CD36: variants seen among roughly 807,000 people sequenced by gnomAD.
CD36 encodes the protein platelet glycoprotein 4.
Under a neutral mutation model 55.2 loss-of-function variants are expected in CD36, and 119 were observed. The ratio of observed to expected loss-of-function variants is 2.15; its 90% confidence interval spans 1.86 to 2.51. The LOEUF (loss-of-function observed/expected upper bound fraction) is 2.51, where lower values mean the gene tolerates loss of function less well. CD36 is among the 30% of genes most tolerant of loss of function. The probability of loss-of-function intolerance (pLI) is 0.00; values close to 1 mark genes in which losing one functional copy is unlikely to be tolerated. For missense variants in CD36, 819 were observed against 555.5 expected (o/e 1.47, Z -4.77); for synonymous variants, 186 against 193.6 (o/e 0.96, Z 0.33).
intron 1 of CD36, chr7:80,633,191 A>C (rs1475386272): frequency 6.6e-5 from 10 of 151,654 alleles, no homozygotes; most frequent in African/African-American, 2.4e-4. Context: ...TTTTTTTCCT[A>C]CTTAGAGAAT....
Position 80,675,784 on chromosome 7 carries a change from T to TAAGA in CD36, c.*1-599_*1-596dup, listed in dbSNP as rs533919697. Among the ~76,000 whole-genome samples the TAAGA allele has an allele frequency of 4.6e-5, 7 of 152,156 alleles. No homozygotes were observed. The South Asian group carries it at 1.2e-3, about 27-fold the overall frequency. ...CAGGTATGTAAGAAGTAGCAAAGTG[T>TAAGA]AAGACGGTGGAGCTTTAATGTGTGG... On this transcript the variant is annotated intron_variant, in intron 14 of 14. Transcript: ENST00000447544.
chr7:80,676,227 A>T (rs559911410), intron 14 of CD36, 157 bp from the exon 15 acceptor site: 1 of 152,174 alleles, frequency 6.6e-6, no homozygotes, highest in East Asian at 1.9e-4. Context: ...CTTTTAGTTG[A>T]AGAAATGGTG....
upstream of CD36, chr7:80,638,553 C>G (rs141232342): frequency 5.9e-4 from 86 of 145,176 alleles, no homozygotes; most frequent in East Asian, 0.012. Flanking sequence ...ACACTGGGAT[C>G]TGACACTGTA....
At position 80,664,505 on chromosome 7, in the gene CD36, T is replaced by C; in HGVS notation, c.701+8T>C. 1 of 1,437,908 alleles carries C rather than the reference T, an allele frequency of 7.0e-7. No homozygotes were observed. Among genetic ancestry groups the C allele is most frequent in the South Asian group, 1.1e-5 (1 of 87,488 alleles). 89.1% of individuals were successfully genotyped at this position (1,437,908 alleles called of 1,614,324 possible). ...CACATATAAAGGTAAAAGGTAAGTATTCTGGTAAAATGTGCATGTATGTTA... is the reference window on the plus strand; with the variant it reads ...CACATATAAAGGTAAAAGGTAAGTACTCTGGTAAAATGTGCATGTATGTTA... On this transcript the variant is annotated splice_region_variant and intron_variant, in intron 7 of 14. Transcript: ENST00000447544.
rs11574709 is a variant in CD36, at chr7:80,658,095, C to T, written c.281+1395C>T. Reference sequence around the variant, plus strand: ...CCTGTCTTAGCAGTTTTACCCGAATCGGGTGTCTCTGTGCGCATCTGTGAC... The same window carrying T: ...CCTGTCTTAGCAGTTTTACCCGAATTGGGTGTCTCTGTGCGCATCTGTGAC... On this transcript the variant is annotated intron_variant, in intron 4 of 14. Transcript: ENST00000447544. Among the ~76,000 whole-genome samples, 726 of 152,260 alleles carry T rather than the reference C, an allele frequency of 4.8e-3. 6 individuals carry two copies. The highest frequency in any genetic ancestry group is 0.016 in the African/African-American group (678 of 41,542).
At chr7:80,672,888 G>C (rs560669916) in intron 12 of CD36, 45 bp downstream of exon 12, 1 of 1,220,126 alleles carries the variant, frequency 8.2e-7, no homozygotes, top group African/African-American at 1.5e-5. Context: ...CTGTAGTATC[G>C]TAGTATCTTC....
chr7:80,673,456 A>G (rs1392319083), intron 13 of CD36, 47 bp downstream of exon 13: 11 of 1,042,046 alleles, frequency 1.1e-5, no homozygotes, highest in Non-Finnish European at 1.7e-5. Context: ...TTCTTTGTAT[A>G]TAAACAAGCT....
intron 1 of CD36, among the ~76,000 whole-genome samples, chr7:80,607,149 C>T (rs1193755771): frequency 2.0e-5 from 3 of 152,134 alleles, no homozygotes; most frequent in Non-Finnish European, 4.4e-5. Flanking sequence ...TTAAAGGTAG[C>T]ATTTTGTTCT....
intron 3 of CD36, among the ~76,000 whole-genome samples, chr7:80,656,182 G>A (rs147959174): frequency 6.6e-4 from 101 of 152,228 alleles, no homozygotes; most frequent in African/African-American, 2.4e-3. Flanking sequence ...AACTCAGTAA[G>A]AACTTTTTTG....
At chr7:80,608,799 T>TA (rs1418967311) in intron 1 of CD36, among the ~76,000 whole-genome samples, 1 of 152,140 alleles carries the variant, frequency 6.6e-6, no homozygotes, top group Non-Finnish European at 1.5e-5. Flanking sequence ...ACCTGAGACT[T>TA]ACGATTTTTT....
At chr7:80,670,711 A>G (rs1797576975) in intron 9 of CD36, 4 of 453,946 alleles carry the variant, frequency 8.8e-6, no homozygotes, top group East Asian at 4.2e-5. Flanking sequence ...AGGAAGTCCT[A>G]TAAATATTTA....
intron 1 of CD36, among the ~76,000 whole-genome samples, chr7:80,632,712 A>G (rs1222195672): frequency 2.0e-5 from 3 of 152,026 alleles, no homozygotes; most frequent in Admixed American, 1.3e-4. Flanking sequence ...ATATTTTAGC[A>G]TTTTAAAACA....
In CD36 at chr7:80,673,375, G is replaced by A. The variant is rs371888778; in HGVS notation, c.1220G>A (p.Arg407Lys). 4.3e-5 allele frequency: 67 copies of A among 1,550,742 alleles called. No homozygotes were observed. Among genetic ancestry groups the A allele is most frequent in the Non-Finnish European group, 5.6e-5 (63 of 1,123,668 alleles). ...TACAGAGTATTAAAGAATCTGAAGAGGAACTATATTGTGCCTATTCTTTGG... is the reference window on the plus strand; with the variant it reads ...TACAGAGTATTAAAGAATCTGAAGAAGAACTATATTGTGCCTATTCTTTGG... ...EKIQVLKNLK[R>K]NYIVPILWLN... The change falls in exon 13 of 15, where the codon AGG (arginine) becomes AAG (lysine). Residue 407 changes from arginine (R) to lysine (K), a missense_variant. Coordinates refer to ENST00000447544, the MANE Select transcript of CD36 (RefSeq NM_001001548.3).
At chr7:80,623,137 T>G (rs867345379) in intron 1 of CD36, among the ~76,000 whole-genome samples, 23 of 152,116 alleles carry the variant, frequency 1.5e-4, no homozygotes, top group African/African-American at 5.1e-4. Flanking sequence ...TATACCAATC[T>G]TCTGTTCTAA....
At chr7:80,646,380 A>C in intron 2 of CD36, 199 bp downstream of exon 2, 1 of 310,450 alleles carries the variant, frequency 3.2e-6, no homozygotes, top group South Asian at 2.9e-5. Context: ...TCCTTAGATA[A>C]GATTTCAATA....
intron 4 of CD36, among the ~76,000 whole-genome samples, chr7:80,658,496 T>C (rs1325496021): frequency 6.6e-6 from 1 of 152,110 alleles, no homozygotes; most frequent in Non-Finnish European, 1.5e-5. Context: ...CTGTTTTTAA[T>C]TTTGTTTATT....
intron 3 of CD36, chr7:80,647,278 G>A (rs951340823): frequency 1.4e-4 from 31 of 216,450 alleles, no homozygotes; most frequent in African/African-American, 6.9e-4. Context: ...GTGTGTGTGT[G>A]TGTGTAATGT....
intron 1 of CD36, among the ~76,000 whole-genome samples, chr7:80,607,661 C>T (rs563097311): frequency 8.5e-5 from 13 of 152,080 alleles, no homozygotes; most frequent in Non-Finnish European, 2.9e-5. Flanking sequence ...TTGAGGAGAC[C>T]CCAATCTACA....
At chr7:80,643,008 C>G (rs539910572) in intron 1 of CD36, among the ~76,000 whole-genome samples, 3 of 152,102 alleles carry the variant, frequency 2.0e-5, no homozygotes, top group Admixed American at 2.0e-4. Flanking sequence ...CTAGGCAGTA[C>G]CCAGGCCTGT....
Sources: allele counts gnomAD v4.1 joint callset (sites outside exome capture counted in the v4.1 genomes callset), GRCh38; gene constraint gnomAD v4.1.1; transcripts MANE v1.5; gene names NCBI Gene and HGNC (gene_info 2026-07-23, HGNC 2026-07-21).